The following PCDHA7 variants were observed in gnomAD, a reference collection of about 807,000 sequenced individuals.
PCDHA7 encodes protocadherin alpha-7.
In PCDHA7, 37 loss-of-function variants were observed where a neutral mutation model predicts 57.2. The ratio of observed to expected loss-of-function variants is 0.65; its 90% confidence interval spans 0.50 to 0.85. The LOEUF is 0.85. Ranked by LOEUF, PCDHA7 falls within the 40% of genes least tolerant of loss-of-function variation. The probability of loss-of-function intolerance (pLI) is 0.00; values close to 1 mark genes in which losing one functional copy is unlikely to be tolerated. For missense variants in PCDHA7, 1,188 were observed against 1,241.8 expected, an observed-to-expected ratio of 0.96 and a Z score of 0.65; for synonymous variants, 553 against 558.8, an observed-to-expected ratio of 0.99 and a Z score of 0.15.
intron 1 of PCDHA7, chr5:140,869,566 G>A (rs782325882): frequency 1.9e-6 from 3 of 1,614,178 alleles, no homozygotes; most frequent in East Asian, 4.5e-5. Flanking sequence ...TTTTCCACTA[G>A]AGGGAGCTTC....
intron 1 of PCDHA7, chr5:140,871,434 A>G (rs781977570): frequency 1.9e-6 from 3 of 1,612,514 alleles, no homozygotes; most frequent in Non-Finnish European, 2.5e-6. Context: ...GTCTTCCTCT[A>G]GGTCTGAATA....
chr5:140,876,789 T>C (rs782509311), intron 1 of PCDHA7: 97 of 1,614,054 alleles, frequency 6.0e-5, no homozygotes, highest in Non-Finnish European at 7.5e-5. Context: ...GGGCCACGGC[T>C]AGAGTGTCCG....
rs1029317869 is a variant in PCDHA7 at position 140,928,735 on chromosome 5, A to G, written c.2356-50214A>G. ...TAGTCTCTTTAGAATTTCAGCCAAT[A>G]TAGGTGAGCTCCGTACTGCTCGCTT... On this transcript the variant is annotated intron_variant, in intron 1 of 3. Coordinates refer to ENST00000525929, the MANE Select transcript of PCDHA7 (RefSeq NM_018910.3). 35 of 1,614,082 alleles carry G rather than the reference A, an allele frequency of 2.2e-5. No individual in the cohort carries two copies. The highest frequency in any genetic ancestry group is 2.9e-5 in the Non-Finnish European group (34 of 1,180,020).
At chr5:140,882,228 T>G in intron 1 of PCDHA7, 1 of 1,564,682 alleles carries the variant, frequency 6.4e-7, no homozygotes, top group Non-Finnish European at 8.7e-7. Context: ...GGTAAGGCGT[T>G]GTATATATTG....
intron 1 of PCDHA7, among the ~76,000 whole-genome samples, chr5:140,917,287 G>C (rs190210744): frequency 6.8e-6 from 1 of 147,568 alleles, no homozygotes; most frequent in Non-Finnish European, 1.5e-5. Context: ...ACGCTTTTCC[G>C]TGTGCAGATA....
At chr5:140,925,187 C>T (rs2082372782) in intron 1 of PCDHA7, among the ~76,000 whole-genome samples, 1 of 152,134 alleles carries the variant, frequency 6.6e-6, no homozygotes, top group Admixed American at 6.5e-5. Flanking sequence ...TGTACCATCA[C>T]CCAGCTTCAA....
chr5:140,940,790 A>G (rs1337945408), intron 1 of PCDHA7, among the ~76,000 whole-genome samples: 3 of 152,176 alleles, frequency 2.0e-5, no homozygotes, highest in African/African-American at 7.2e-5. Context: ...TATCCTGAAA[A>G]TGATATTTGC....
chr5:140,848,428 C>T, intron 1 of PCDHA7: 1 of 1,450,060 alleles, frequency 6.9e-7, no homozygotes, highest in Non-Finnish European at 9.4e-7. Flanking sequence ...ATGGGACTGA[C>T]GAAATCAGAT....
chr5:140,876,708 C>T, intron 1 of PCDHA7: 7 of 1,614,220 alleles, frequency 4.3e-6, no homozygotes, highest in African/African-American at 1.3e-5. Context: ...TGGACAGCGC[C>T]CTGGACCGCG....
intron 3 of PCDHA7, among the ~76,000 whole-genome samples, chr5:141,007,475 C>T (rs575810038): frequency 1.2e-4 from 18 of 151,396 alleles, no homozygotes; most frequent in Non-Finnish European, 2.1e-4. Flanking sequence ...GGCTGAGGCA[C>T]GAGAATTACT....
At chr5:140,958,703 C>T (rs1302459806) in intron 1 of PCDHA7, among the ~76,000 whole-genome samples, 3 of 152,112 alleles carry the variant, frequency 2.0e-5, no homozygotes, top group Non-Finnish European at 4.4e-5. Flanking sequence ...AGAGTGACAA[C>T]TCTGTTATAA....
At chr5:140,933,221 G>T (rs952837794) in intron 1 of PCDHA7, among the ~76,000 whole-genome samples, 1 of 151,758 alleles carries the variant, frequency 6.6e-6, no homozygotes, top group Non-Finnish European at 1.5e-5. Flanking sequence ...CTGTTATATT[G>T]CATTTATGAA....
intron 1 of PCDHA7, among the ~76,000 whole-genome samples, chr5:140,924,902 AAAAT>A (rs1239542905): frequency 0.13 from 4,984 of 38,732 alleles, 244 homozygotes; most frequent in African/African-American, 0.34. Flanking sequence ...CTCAAAAAAA[AAAAT>A]AAAATAAAAT....
chr5:140,871,145 C>G, intron 1 of PCDHA7: 1 of 1,613,418 alleles, frequency 6.2e-7, no homozygotes, highest in Non-Finnish European at 8.5e-7. Flanking sequence ...TCTTCCCGGA[C>G]TTTGGCGGGC....
At chr5:140,843,473 T>A (rs2150360834) in intron 1 of PCDHA7, 2 of 1,595,974 alleles carry the variant, frequency 1.3e-6, no homozygotes, top group Non-Finnish European at 1.7e-6. Flanking sequence ...GCTGCTGCTG[T>A]ACACTGCGCT....
chr5:140,890,419 A>G (rs1168983784), intron 1 of PCDHA7, among the ~76,000 whole-genome samples: 4 of 152,212 alleles, frequency 2.6e-5, no homozygotes, highest in Non-Finnish European at 5.9e-5. Context: ...ATATTTATTT[A>G]GTTTATATTT....
intron 1 of PCDHA7, among the ~76,000 whole-genome samples, chr5:140,871,818 A>G (rs2053326422): frequency 6.6e-6 from 1 of 152,250 alleles, no homozygotes; most frequent in South Asian, 2.1e-4. Flanking sequence ...TAAAGTACCC[A>G]TGCCCCTTCA....
chr5:140,882,302 C>A, intron 1 of PCDHA7: 1 of 1,613,798 alleles, frequency 6.2e-7, no homozygotes, highest in Non-Finnish European at 8.5e-7. Context: ...CCCAAGACCG[C>A]GGCAACTACT....
intron 1 of PCDHA7, chr5:140,871,599 T>G: frequency 1.4e-6 from 2 of 1,447,906 alleles, no homozygotes; most frequent in Non-Finnish European, 1.8e-6. Flanking sequence ...GAATAACCAG[T>G]GTTTTGAATA....
Sources: allele counts gnomAD v4.1 joint callset (sites outside exome capture counted in the v4.1 genomes callset), GRCh38; gene constraint gnomAD v4.1.1; transcripts MANE v1.5; gene names NCBI Gene and HGNC (gene_info 2026-07-23, HGNC 2026-07-21).